Variants in EPB41L1 observed in about 807,000 individuals in gnomAD.
EPB41L1 encodes band 4.1-like protein 1.
A neutral mutation model predicts 97.8 loss-of-function variants in EPB41L1; 29 were observed. That is an observed-to-expected ratio of 0.30 (90% CI 0.22 to 0.40). EPB41L1 has a LOEUF of 0.40. Among genes scored for constraint, EPB41L1 ranks in the 10% least tolerant of loss-of-function variants. The pLI is 1.00. For synonymous variants in EPB41L1, 383 were observed against 459.2 expected (o/e 0.83, Z 2.12); for missense variants, 812 against 1,162.3 (o/e 0.70, Z 4.38).
In EPB41L1 at chr20:36,223,918, C is replaced by A. The variant is rs182834879; in HGVS notation, c.2637+1524C>A. Among the ~76,000 whole-genome samples the A allele has an allele frequency of 7.3e-4, 111 of 152,316 alleles. 1 individual carries two copies. The highest frequency in any genetic ancestry group is 2.6e-3 in the African/African-American group (109 of 41,564). ...GAAAAAAAATCCATCTCAAAGACCC[C>A]ACAAATATAATTGCTGGTCTCCTTT... is the stretch of plus-strand genomic sequence containing the variant. On this transcript the variant is annotated intron_variant, in intron 21 of 21. Transcript: ENST00000338074.
intron 5 of EPB41L1, among the ~76,000 whole-genome samples, chr20:36,180,679 CTTATAT>C (rs2061437552): frequency 6.6e-6 from 1 of 152,092 alleles, no homozygotes; most frequent in South Asian, 2.1e-4. Context: ...AGTGCTAGTA[CTTATAT>C]TTATGTTGTT....
At chr20:36,114,242 A>G (rs564571793) in intron 2 of EPB41L1, among the ~76,000 whole-genome samples, 4 of 152,276 alleles carry the variant, frequency 2.6e-5, no homozygotes, top group Admixed American at 6.5e-5. Flanking sequence ...AGAAACCCAT[A>G]TTGTAAGCAT....
chr20:36,114,497 C>T (rs2147619672), intron 2 of EPB41L1, among the ~76,000 whole-genome samples: 1 of 152,272 alleles, frequency 6.6e-6, no homozygotes, highest in Non-Finnish European at 1.5e-5. Context: ...CTGCTTGGCC[C>T]TGCCCATGGA....
chr20:36,184,343 C>G (rs1055182344), intron 6 of EPB41L1, among the ~76,000 whole-genome samples: 1 of 151,784 alleles, frequency 6.6e-6, no homozygotes, highest in Non-Finnish European at 1.5e-5. Flanking sequence ...TTTTTTAATA[C>G]ATAGTAACCA....
intron 16 of EPB41L1, among the ~76,000 whole-genome samples, chr20:36,213,301 T>C (rs1024240515): frequency 6.6e-6 from 1 of 152,060 alleles, no homozygotes; most frequent in Non-Finnish European, 1.5e-5. Context: ...GGGAGGCTGA[T>C]GTAGGAGGAT....
intron 2 of EPB41L1, among the ~76,000 whole-genome samples, chr20:36,146,596 C>T (rs2059841504): frequency 6.6e-6 from 1 of 152,208 alleles, no homozygotes; most frequent in Non-Finnish European, 1.5e-5. Flanking sequence ...ACCAGTGATG[C>T]AGCGGCTGGT....
chr20:36,212,701 G>A lies in EPB41L1; in HGVS notation c.2184+325G>A, dbSNP rs1363579022. Among the ~76,000 whole-genome samples the A allele has an allele frequency of 6.6e-6, 1 of 152,212 alleles. No individual in the cohort carries two copies. The highest frequency in any genetic ancestry group is 1.5e-5 in the Non-Finnish European group (1 of 68,036). ...CTGACTAGTGGATTGGGACCTTGGT[G>A]TTCACATTGCTTGGAGGAGTTGGAG... On this transcript the variant is annotated intron_variant, in intron 16 of 21. Transcript: ENST00000338074. The surrounding 1 kb of genome is among the most constrained non-coding windows in gnomAD (Gnocchi z 4.8).
chr20:36,139,443 T>G (rs1357768692), intron 2 of EPB41L1, among the ~76,000 whole-genome samples: 1 of 152,240 alleles, frequency 6.6e-6, no homozygotes, highest in Non-Finnish European at 1.5e-5. Context: ...TTTTTTGTTA[T>G]GCAAAATTTC....
intron 5 of EPB41L1, among the ~76,000 whole-genome samples, chr20:36,179,666 C>T (rs538024715): frequency 6.6e-6 from 1 of 152,376 alleles, no homozygotes; most frequent in South Asian, 2.1e-4. Flanking sequence ...CCCAGGGCCC[C>T]TCCCCCTTGG....
At chr20:36,098,435 C>T (rs1479995066) in intron 1 of EPB41L1, among the ~76,000 whole-genome samples, 5 of 152,164 alleles carry the variant, frequency 3.3e-5, no homozygotes, top group Non-Finnish European at 7.4e-5. Flanking sequence ...AGGTTGGCTC[C>T]TTCTGGAGGC....
intron 1 of EPB41L1, among the ~76,000 whole-genome samples, chr20:36,163,530 AGGT>A (rs944838941): frequency 1.3e-5 from 2 of 152,194 alleles, no homozygotes; most frequent in African/African-American, 4.8e-5. Flanking sequence ...AGTGAGCATC[AGGT>A]GGTGGATCAG....
intron 2 of EPB41L1, among the ~76,000 whole-genome samples, chr20:36,116,723 G>A (rs1477011148): frequency 6.6e-6 from 1 of 152,152 alleles, no homozygotes; most frequent in Non-Finnish European, 1.5e-5. Flanking sequence ...CACCCATGGA[G>A]GGGCTCCTTT....
At chr20:36,124,770 G>GATGA (rs1204132412) in intron 2 of EPB41L1, among the ~76,000 whole-genome samples, 1 of 152,164 alleles carries the variant, frequency 6.6e-6, no homozygotes, top group Non-Finnish European at 1.5e-5. Context: ...GTATCTATTG[G>GATGA]ATGAATGAAT....
At chr20:36,144,722 G>A (rs2059771554) in intron 2 of EPB41L1, among the ~76,000 whole-genome samples, 1 of 152,156 alleles carries the variant, frequency 6.6e-6, no homozygotes, top group Admixed American at 6.5e-5. Context: ...AGAGACAGAT[G>A]CTGTCTCATT....
At chr20:36,095,345 G>A (rs1342290443) in intron 1 of EPB41L1, among the ~76,000 whole-genome samples, 1 of 151,410 alleles carries the variant, frequency 6.6e-6, no homozygotes, top group East Asian at 1.9e-4. Flanking sequence ...TGACCTCAAG[G>A]GATCTGCCTG....
Position 36,183,967 on chromosome 20 carries a change from G to C in EPB41L1, c.567-1150G>C, listed in dbSNP as rs189722820. On this transcript the variant is annotated intron_variant, in intron 6 of 21. Transcript: ENST00000338074. ...AAAAGAAAAAAGCCCAGATATGGTG[G>C]CTCACACCTGTAATCCCAGTACTTT... Among the ~76,000 whole-genome samples, 718 of 152,266 alleles carry C rather than the reference G, an allele frequency of 4.7e-3. 6 individuals are homozygous for C. Among genetic ancestry groups the C allele is most frequent in the African/African-American group, 0.017 (690 of 41,538 alleles).
chr20:36,163,896 G>T (rs954025767), intron 1 of EPB41L1, among the ~76,000 whole-genome samples: 1 of 151,798 alleles, frequency 6.6e-6, no homozygotes, highest in Non-Finnish European at 1.5e-5. Context: ...AGTCTCTGTC[G>T]TCCAGGCTAG....
Position 36,093,423 on chromosome 20 carries a change from G to C in EPB41L1, c.-65+1811G>C, listed in dbSNP as rs1164697432. Reference sequence around the variant, plus strand: ...TCCCGCGTAGCCCCCGTGTGCGTGTGCGCGGCTTTGTCTTCGCACTGCCGG... The same window carrying C: ...TCCCGCGTAGCCCCCGTGTGCGTGTCCGCGGCTTTGTCTTCGCACTGCCGG... On this transcript the variant is annotated intron_variant, in intron 1 of 19. Transcript: ENST00000202028. The surrounding 1 kb of genome is among the most constrained non-coding windows in gnomAD (Gnocchi z 5.4). Among the ~76,000 whole-genome samples the C allele has an allele frequency of 6.6e-6, 1 of 151,806 alleles. No homozygotes were observed. Among genetic ancestry groups the C allele is most frequent in the African/African-American group, 2.4e-5 (1 of 41,318 alleles).
At chr20:36,145,328 T>G (rs1183577045) in intron 2 of EPB41L1, among the ~76,000 whole-genome samples, 1 of 148,654 alleles carries the variant, frequency 6.7e-6, no homozygotes, top group Admixed American at 6.8e-5. Context: ...AGGTGAAGGT[T>G]GCAGTGAGCT....
Sources: allele counts gnomAD v4.1 joint callset (sites outside exome capture counted in the v4.1 genomes callset), GRCh38; gene constraint gnomAD v4.1.1; non-coding constraint Gnocchi (gnomAD v3.1); transcripts MANE v1.5; gene names NCBI Gene and HGNC (gene_info 2026-07-23, HGNC 2026-07-21).